TMEM260: variants seen among roughly 807,000 people sequenced by gnomAD.
TMEM260 encodes protein O-mannosyl-transferase TMEM260.
A neutral mutation model predicts 88.9 loss-of-function variants in TMEM260; 82 were observed. The ratio of observed to expected loss-of-function variants is 0.92; its 90% CI spans 0.77 to 1.11. The LOEUF (loss-of-function observed/expected upper bound fraction) is 1.11. Among genes scored for constraint, TMEM260 ranks in the 50% least tolerant of loss-of-function variants. TMEM260 has a pLI of 0.00. For synonymous variants in TMEM260, 314 were observed against 309.3 expected (o/e 1.02, Z -0.16); for missense variants, 902 against 853.4 (o/e 1.06, Z -0.71).
Position 56,585,043 on chromosome 14 carries a change from G to A in TMEM260, c.192+11G>A, listed in dbSNP as rs1489527522. 5.0e-6 allele frequency: 8 copies of A among 1,609,872 alleles called. No individual in the cohort carries two copies. In the African/African-American group the frequency reaches 8.0e-5, roughly 16 times the overall value. On this transcript the variant is annotated intron_variant, in intron 2 of 15. Transcript: ENST00000261556. ...GCACATGAGCTTGGAGTAAGTATTAGTTTTATTGTTTAATCAATGCTCTCA... is the reference window on the plus strand; with the variant it reads ...GCACATGAGCTTGGAGTAAGTATTAATTTTATTGTTTAATCAATGCTCTCA...
chr14:56,636,471 G>C, intron 14 of TMEM260, 37 bp from the exon 15 acceptor site: 1 of 1,547,870 alleles, frequency 6.5e-7, no homozygotes, highest in Non-Finnish European at 8.9e-7. Context: ...GCAATTGACT[G>C]TATGATTTTA....
Position 56,647,619 on chromosome 14 carries a change from A to C in TMEM260, c.*122A>C. On this transcript the variant is annotated 3_prime_UTR_variant, in exon 16 of 16. Coordinates refer to ENST00000261556, the MANE Select transcript of TMEM260 (RefSeq NM_017799.4). ...AAAACTAAGTCATCTCCCAGATATA[A>C]GTATCATGGTCCAGCAGTACTGTTT... 8.9e-7 allele frequency: 1 copy of C among 1,118,716 alleles called. No individual in the cohort carries two copies. The highest frequency in any genetic ancestry group is 1.2e-6 in the Non-Finnish European group (1 of 809,848). The allele number at this position is 1,118,716 out of a possible 1,614,324, so 69.3% of individuals were successfully genotyped here.
rs534365020 is a variant in TMEM260 at position 56,624,501 on chromosome 14, G to A, written c.1399-881G>A. On this transcript the variant is annotated intron_variant, in intron 11 of 15. Coordinates refer to ENST00000261556, the MANE Select transcript of TMEM260 (RefSeq NM_017799.4). ...AGGTAGGAGAATGAACCCAGATGGC[G>A]GAGCTTGCAGTGGGCTGAGATCATG... Among the ~76,000 whole-genome samples the A allele has an allele frequency of 9.2e-5, 14 of 152,294 alleles. No individual in the cohort carries two copies. The East Asian group carries it at 1.9e-3, about 21-fold the overall frequency.
intron 3 of TMEM260, among the ~76,000 whole-genome samples, chr14:56,590,315 G>C (rs1409500352): frequency 6.6e-6 from 1 of 152,216 alleles, no homozygotes; most frequent in East Asian, 1.9e-4. Context: ...CTGACAGCTA[G>C]TCAGAGTTAG....
chr14:56,611,739 G>C (rs1473742361), intron 6 of TMEM260, among the ~76,000 whole-genome samples: 1 of 152,012 alleles, frequency 6.6e-6, no homozygotes, highest in Non-Finnish European at 1.5e-5. Context: ...ACATACACAC[G>C]TATGTTCATC....
chr14:56,617,205 G>T lies in TMEM260; in HGVS notation c.964G>T (p.Val322Leu), dbSNP rs1240331796. The T allele has an allele frequency of 3.1e-6, 5 of 1,599,486 alleles. No homozygotes were observed. Among genetic ancestry groups the T allele is most frequent in the African/African-American group, 1.3e-5 (1 of 74,332 alleles). Residue 322 changes from valine (V) to leucine (L), a missense_variant, in exon 9 of 16, where the codon GTA becomes TTA. Coordinates refer to ENST00000261556, the MANE Select transcript of TMEM260 (RefSeq NM_017799.4). ...ATKDRQNPSLVWLFTGMFCIY... is the reference protein window; with the variant it reads ...ATKDRQNPSLLWLFTGMFCIY... ...TAGGGACAGACAGAATCCATCATTAGTATGGCTTTTTACTGGAATGTTTTG... is the reference window on the plus strand; with the variant it reads ...TAGGGACAGACAGAATCCATCATTATTATGGCTTTTTACTGGAATGTTTTG...
chr14:56,589,779 T>C (rs897482340), intron 3 of TMEM260, among the ~76,000 whole-genome samples: 1 of 152,196 alleles, frequency 6.6e-6, no homozygotes, highest in Admixed American at 6.5e-5. Flanking sequence ...CTGCTAAAAA[T>C]TAATTTGATT....
chr14:56,640,715 G>A (rs1156429403), intron 15 of TMEM260, among the ~76,000 whole-genome samples: 3 of 152,068 alleles, frequency 2.0e-5, no homozygotes, highest in Non-Finnish European at 2.9e-5. Context: ...AAGGAAGTTC[G>A]AACCAATGGC....
intron 7 of TMEM260, chr14:56,613,421 T>C (rs1253793566): frequency 2.0e-5 from 3 of 152,184 alleles, no homozygotes; most frequent in South Asian, 2.1e-4. Flanking sequence ...ATAGAAAACT[T>C]AGAAAATACA....
intron 15 of TMEM260, among the ~76,000 whole-genome samples, chr14:56,641,031 A>G (rs770801645): frequency 1.1e-4 from 16 of 152,158 alleles, no homozygotes; most frequent in East Asian, 1.9e-4. Context: ...GACCAAATCT[A>G]TGTCTGATTG....
At chr14:56,596,685 C>T (rs1394873083) in intron 3 of TMEM260, among the ~76,000 whole-genome samples, 3 of 148,876 alleles carry the variant, frequency 2.0e-5, no homozygotes, top group Non-Finnish European at 1.5e-5. Flanking sequence ...ATTGCCTGAA[C>T]CTGAGAGGCG....
the TMEM260 span, among the ~76,000 whole-genome samples, chr14:56,657,701 A>G: frequency 6.6e-6 from 1 of 152,180 alleles, no homozygotes; most frequent in South Asian, 2.1e-4. Flanking sequence ...AATGTTTACC[A>G]CCACCCTCTC....
chr14:56,585,547 C>G (rs185227933), intron 2 of TMEM260: 6 of 511,760 alleles, frequency 1.2e-5, no homozygotes, highest in Admixed American at 3.7e-5. Flanking sequence ...CTCTGGGTGA[C>G]GCACCATGTG....
chr14:56,636,261 A>G (rs1192770285), intron 14 of TMEM260, among the ~76,000 whole-genome samples: 1 of 152,168 alleles, frequency 6.6e-6, no homozygotes, highest in African/African-American at 2.4e-5. Flanking sequence ...AACAATGTAT[A>G]ATAGTGATAA....
At chr14:56,623,249 G>T (rs1320240797) in intron 11 of TMEM260, among the ~76,000 whole-genome samples, 4 of 152,166 alleles carry the variant, frequency 2.6e-5, no homozygotes, top group Non-Finnish European at 5.9e-5. Flanking sequence ...GTGATGTTAG[G>T]ATTGATAATA....
rs547635268 is a variant in TMEM260, at chr14:56,622,216, G to A, written c.1398+514G>A. The stretch of plus-strand genomic sequence containing the variant: ...AAATTAGCCGGGTGTGGTGGCACGC[G>A]CCTGTAGTCCCAGCTACTCGGGAGG... On this transcript the variant is annotated intron_variant, in intron 11 of 15. Transcript: ENST00000261556. 4.5e-4 allele frequency among the ~76,000 whole-genome samples: 69 copies of A among 151,836 alleles called. 1 individual carries two copies. Among genetic ancestry groups the A allele is most frequent in the African/African-American group, 1.4e-3 (58 of 41,446 alleles).
chr14:56,583,417 A>G (rs1241160939), intron 1 of TMEM260, among the ~76,000 whole-genome samples: 1 of 152,120 alleles, frequency 6.6e-6, no homozygotes, highest in Non-Finnish European at 1.5e-5. Flanking sequence ...GGGGTGTCTT[A>G]GTAGCAAGGA....
intron 12 of TMEM260, among the ~76,000 whole-genome samples, chr14:56,630,466 T>C (rs557224871): frequency 2.2e-4 from 33 of 150,872 alleles, no homozygotes; most frequent in African/African-American, 8.2e-4. Flanking sequence ...TTTGTTTAAA[T>C]TGTATCTTTT....
chr14:56,654,532 A>G (rs182750693), downstream of TMEM260, among the ~76,000 whole-genome samples: 2 of 151,820 alleles, frequency 1.3e-5, no homozygotes, highest in African/African-American at 2.4e-5. Context: ...AAAATATTGA[A>G]TGTCAGGCGG....
Sources: gnomAD v4.1 joint callset for allele counts (sites outside exome capture counted in the v4.1 genomes callset) on GRCh38, gnomAD v4.1.1 for gene constraint, MANE v1.5 for transcripts, NCBI Gene and HGNC (gene_info 2026-07-23, HGNC 2026-07-21) for gene names.